Variants in C9orf78 observed in about 807,000 individuals in gnomAD.
C9orf78 encodes splicing factor C9orf78.
In C9orf78, 19 loss-of-function variants were observed where a neutral mutation model predicts 37.4. The observed-to-expected ratio is 0.51, with a 90% CI of 0.35 to 0.74. C9orf78 has a LOEUF of 0.74. Ranked by LOEUF, C9orf78 falls within the 30% of genes least tolerant of loss-of-function variation. C9orf78 has a pLI of 0.01. For synonymous variants in C9orf78, 130 were observed against 128.0 expected (o/e 1.02, Z -0.10); for missense variants, 291 against 370.8 (o/e 0.78, Z 1.77).
Position 129,831,502 on chromosome 9 carries a change from G to A in C9orf78, c.344+394C>T, listed in dbSNP as rs189899099. The A allele has an allele frequency of 9.8e-4, 233 of 237,914 alleles. 1 individual carries two copies. Among genetic ancestry groups the A allele is most frequent in the Middle Eastern group, 1.7e-3 (1 of 594 alleles). The allele number at this position is 237,914 out of a possible 1,614,324, so 14.7% of individuals were successfully genotyped here. A position where few individuals can be genotyped will look rare whatever the true frequency, so the allele number is the denominator to read the frequency against. ...TGCAATGGCGAGATCTTGGCTCGCC[G>A]CAAGCTCTGCCTCCCAGGTTCAAGC... On this transcript the variant is annotated intron_variant, in intron 5 of 8. Transcript: ENST00000372447.
At chr9:129,830,256 CCTTT>C (rs1484383088) in intron 6 of C9orf78, 1 of 130,538 alleles carries the variant, frequency 7.7e-6, no homozygotes, top group Non-Finnish European at 1.6e-5. Context: ...CCATGTCTGG[CCTTT>C]TTTTTTTTTT....
chr9:129,828,879 A>G, intron 8 of C9orf78: 1 of 405,928 alleles, frequency 2.5e-6, no homozygotes, highest in Non-Finnish European at 4.6e-6. Context: ...TACAAGTGTG[A>G]GGCACTGCAC....
At chr9:129,830,512 ATTTT>A (rs934414187) in intron 6 of C9orf78, 2 of 260,894 alleles carry the variant, frequency 7.7e-6, no homozygotes, top group Non-Finnish European at 1.5e-5. Flanking sequence ...TCCCCCATAA[ATTTT>A]TTTTTCCTTT....
chr9:129,827,617 T>C lies in C9orf78; in HGVS notation c.*544A>G, dbSNP rs931007145. On this transcript the variant is annotated 3_prime_UTR_variant, in exon 9 of 9. Coordinates refer to ENST00000372447, the MANE Select transcript of C9orf78 (RefSeq NM_016520.3). Reference sequence around the variant, plus strand: ...CAAGATTTAATAATGCTCACAAGAATAGAGTTTGCCCCCAAATGGAAAATT... The same window carrying C: ...CAAGATTTAATAATGCTCACAAGAACAGAGTTTGCCCCCAAATGGAAAATT... 1.3e-5 allele frequency: 2 copies of C among 152,310 alleles called. No individual in the cohort carries two copies. The highest frequency in any genetic ancestry group is 1.3e-4 in the Admixed American group (2 of 15,260). 9.4% of individuals were successfully genotyped at this position (152,310 alleles called of 1,614,324 possible).
rs549684537 is a variant in C9orf78, at chr9:129,828,167, C to T, written c.864G>A (p.Arg288=). ...ACATCCCACTCTGCACAACTCAGTACCGCCTATTCATTTTCTTGAACTTCT... is the reference window on the plus strand; with the variant it reads ...ACATCCCACTCTGCACAACTCAGTATCGCCTATTCATTTTCTTGAACTTCT... ...HYEKFKKMNR[R]Y is the part of the protein sequence containing the mutation. Residue 288 remains arginine (R), a synonymous_variant, in exon 9 of 9, where the codon CGG becomes CGA. Transcript: ENST00000372447. 2.1e-5 allele frequency: 32 copies of T among 1,560,344 alleles called. No individual in the cohort carries two copies. Among genetic ancestry groups the T allele is most frequent in the Non-Finnish European group, 2.7e-5 (31 of 1,132,352 alleles).
chr9:129,829,163 G>T, intron 8 of C9orf78, 42 bp downstream of exon 8: 1 of 1,411,600 alleles, frequency 7.1e-7, no homozygotes, highest in Non-Finnish European at 1.0e-6. Flanking sequence ...TTCCCACATT[G>T]CTGAGCACTC....
rs979772773 is a variant in C9orf78, at chr9:129,827,984, G to C, written c.*177C>G. The C allele has an allele frequency of 4.8e-6, 2 of 412,442 alleles. No homozygotes were observed. Among genetic ancestry groups the C allele is most frequent in the African/African-American group, 4.1e-5 (2 of 48,310 alleles). The allele number at this position is 412,442 out of a possible 1,614,324, so 25.5% of individuals were successfully genotyped here. A position where few individuals can be genotyped will look rare whatever the true frequency, so the allele number is the denominator to read the frequency against. ...TTTTCTGTATTTTCAGTAGAGACTG[G>C]GTTTCTCCATGTTGGTCAGGCTGGT... is the stretch of plus-strand genomic sequence containing the variant. On this transcript the variant is annotated 3_prime_UTR_variant, in exon 9 of 9. Coordinates refer to ENST00000372447, the MANE Select transcript of C9orf78 (RefSeq NM_016520.3).
At chr9:129,828,566 G>C (rs1487958712) in intron 8 of C9orf78, 8 of 241,456 alleles carry the variant, frequency 3.3e-5, no homozygotes, top group South Asian at 9.4e-5. Context: ...TGGGATTACA[G>C]GCACCTGCCA....
Position 129,835,178 on chromosome 9 carries a change from G to A in C9orf78, c.44C>T (p.Ser15Leu). ...RKIFRRRRGD[S>L]ESEEDEQDSE... Reference sequence around the variant, plus strand: ...GTCCTGCTCATCTTCCTCTGACTCCGAGTCGCCCCGGCGGCGACGGAAAAT... The same window carrying A: ...GTCCTGCTCATCTTCCTCTGACTCCAAGTCGCCCCGGCGGCGACGGAAAAT... Residue 15 changes from serine to leucine, a missense_variant, in exon 1 of 9, where the codon TCG becomes TTG. This residue lies in a region of C9orf78 where 158 missense variants were observed against 174.8 expected (regional missense o/e 0.90). Coordinates refer to ENST00000372447, the MANE Select transcript of C9orf78 (RefSeq NM_016520.3). 6.2e-7 allele frequency: 1 copy of A among 1,610,494 alleles called. No homozygotes were observed. The highest frequency in any genetic ancestry group is 1.1e-5 in the South Asian group (1 of 90,928).
intron 4 of C9orf78, among the ~76,000 whole-genome samples, chr9:129,833,102 C>CTTT (rs781471026): frequency 0.15 from 19,592 of 130,404 alleles, 1,918 homozygotes; most frequent in Non-Finnish European, 0.21. Flanking sequence ...TACATACACA[C>CTTT]TTTTTTTTTT....
intron 3 of C9orf78, 54 bp from the exon 4 acceptor site, chr9:129,833,571 T>A (rs2031571924): frequency 9.3e-7 from 1 of 1,072,740 alleles, no homozygotes; most frequent in Non-Finnish European, 1.3e-6. Flanking sequence ...GGTAGTGGAA[T>A]TTTTTTTTTT....
Position 129,834,738 on chromosome 9 carries a change from G to T in C9orf78, c.112C>A (p.Gln38Lys). The T allele has an allele frequency of 6.2e-7, 1 of 1,612,276 alleles. No homozygotes were observed. Among genetic ancestry groups the T allele is most frequent in the South Asian group, 1.1e-5 (1 of 91,008 alleles). Residue 38 changes from glutamine (Q) to lysine (K), a missense_variant, in exon 2 of 9, where the codon CAG (glutamine) becomes AAG (lysine). This residue lies in a region of C9orf78 where 158 missense variants were observed against 174.8 expected (regional missense o/e 0.90). Coordinates refer to ENST00000372447, the MANE Select transcript of C9orf78 (RefSeq NM_016520.3). Reference sequence around the variant, plus strand: ...CCGTTGGGCCTCTTCCTCAAGTTCTGTACCTCTCTGGTCTCTTCCAGTTTT... The same window carrying T: ...CCGTTGGGCCTCTTCCTCAAGTTCTTTACCTCTCTGGTCTCTTCCAGTTTT... ...RLKLEETREV[Q>K]NLRKRPNGVS...
intron 4 of C9orf78, 60 bp downstream of exon 4, chr9:129,833,387 G>C: frequency 1.0e-6 from 1 of 959,764 alleles, no homozygotes; most frequent in Non-Finnish European, 1.7e-6. Flanking sequence ...CTCTCTGAGG[G>C]AACCTAGACC....
intron 4 of C9orf78, 150 bp from the exon 5 acceptor site, chr9:129,832,123 AAAAG>A (rs775177395): frequency 3.8e-4 from 227 of 597,746 alleles, no homozygotes; most frequent in Non-Finnish European, 4.7e-4. Flanking sequence ...ATATGTAAAG[AAAAG>A]AAACTCTAGA....
rs773995958 is a variant in C9orf78 at position 129,835,233 on chromosome 9, C to A, written c.-12G>T. 1.3e-6 allele frequency: 2 copies of A among 1,596,704 alleles called. No homozygotes were observed. Among genetic ancestry groups the A allele is most frequent in the South Asian group, 2.2e-5 (2 of 90,794 alleles). On this transcript the variant is annotated 5_prime_UTR_variant, in exon 1 of 9. Transcript: ENST00000372447. ...CGGACGACCGGCATGGTGACAACGG[C>A]CGAGTTGTACAGCCGCCGCGCCTCT...
At chr9:129,829,713 T>C (rs41278732) in intron 6 of C9orf78, 172 bp from the exon 7 acceptor site, 140,455 of 585,934 alleles carry the variant, frequency 0.24, 17,386 homozygotes, top group East Asian at 0.26. Context: ...CTCTCACGGC[T>C]GTCGGAGAAC....
intron 8 of C9orf78, 159 bp from the exon 9 acceptor site, chr9:129,828,411 CTT>C (rs58939598): frequency 1.8e-5 from 7 of 393,810 alleles, no homozygotes; most frequent in Admixed American, 1.2e-4. Context: ...ACGTATTTGT[CTT>C]TTTTTTTTTC....
At chr9:129,829,609 A>T in intron 6 of C9orf78, 68 bp from the exon 7 acceptor site, 1 of 1,440,888 alleles carries the variant, frequency 6.9e-7, no homozygotes, top group East Asian at 2.3e-5. Flanking sequence ...ATGAGTGGTG[A>T]GGCTGGCAGC....
At chr9:129,832,006 A>C (rs906165970) in intron 4 of C9orf78, 33 bp from the exon 5 acceptor site, 1 of 974,634 alleles carries the variant, frequency 1.0e-6, no homozygotes, top group Non-Finnish European at 1.7e-6. Flanking sequence ...CAGAGCTTTC[A>C]AGTCACAACT....
Sources: gnomAD v4.1 joint callset for allele counts (sites outside exome capture counted in the v4.1 genomes callset) on GRCh38, gnomAD v4.1.1 for gene constraint, gnomAD v4.1.1 regional missense constraint, MANE v1.5 for transcripts, NCBI Gene and HGNC (gene_info 2026-07-23, HGNC 2026-07-21) for gene names.